Variants in CHCHD6 observed in about 807,000 individuals in gnomAD.
CHCHD6 encodes coiled-coil-helix-coiled-coil-helix domain containing 6, also known as MICOS complex subunit MIC25.
A neutral mutation model predicts 32.3 loss-of-function variants in CHCHD6; 28 were observed. That is an observed-to-expected ratio of 0.87 (90% confidence interval 0.64 to 1.19). The LOEUF (loss-of-function observed/expected upper bound fraction) is 1.19, where lower values mean the gene tolerates loss of function less well. Ranked by LOEUF, CHCHD6 falls within the 50% of genes most tolerant of loss-of-function variation. The pLI is 0.00. For missense variants in CHCHD6, 333 were observed against 307.0 expected, an observed-to-expected ratio of 1.08 and a Z score of -0.63; for synonymous variants, 122 against 117.5, an observed-to-expected ratio of 1.04 and a Z score of -0.25.
At position 126,862,243 on chromosome 3, in the gene CHCHD6, ACCT is replaced by A. The variant is rs1164556382; in HGVS notation, c.495+9528_495+9530del. On this transcript the variant is annotated intron_variant, in intron 5 of 7. Transcript: ENST00000290913. ...CACCTCCTCCTCCTCCTCCATCACCACCTCCTCCTCCTCCTCCATCACCTCCTC... is the reference window on the plus strand; with the variant it reads ...CACCTCCTCCTCCTCCTCCATCACCACCTCCTCCTCCTCCATCACCTCCTC... 9.5e-3 allele frequency among the ~76,000 whole-genome samples: 656 copies of A among 68,894 alleles called. 10 individuals are homozygous for A. Among genetic ancestry groups the A allele is most frequent in the African/African-American group, 0.011 (152 of 14,374 alleles). 45.2% of individuals were successfully genotyped at this position (68,894 alleles called of 152,430 possible).
chr3:126,716,472 T>C (rs1935023141), intron 1 of CHCHD6, among the ~76,000 whole-genome samples: 1 of 151,982 alleles, frequency 6.6e-6, no homozygotes, highest in South Asian at 2.1e-4. Context: ...GCTTGTCTTC[T>C]CTCCCTCTGT....
At chr3:126,850,451 G>A (rs1003398698) in intron 4 of CHCHD6, among the ~76,000 whole-genome samples, 4 of 152,224 alleles carry the variant, frequency 2.6e-5, no homozygotes, top group African/African-American at 7.2e-5. Flanking sequence ...CAACACTTTA[G>A]TCCTGCGTCC....
At chr3:126,811,628 A>G (rs1048350460) in intron 4 of CHCHD6, among the ~76,000 whole-genome samples, 23 of 152,020 alleles carry the variant, frequency 1.5e-4, no homozygotes, top group African/African-American at 5.6e-4. Flanking sequence ...GACCAGCAGC[A>G]AGGTATTTGA....
intron 4 of CHCHD6, among the ~76,000 whole-genome samples, chr3:126,791,409 C>G (rs549061453): frequency 1.3e-5 from 2 of 152,368 alleles, no homozygotes; most frequent in East Asian, 3.9e-4. Flanking sequence ...CGGCTATGCC[C>G]TGCCCCCAGA....
intron 4 of CHCHD6, among the ~76,000 whole-genome samples, chr3:126,833,502 G>A (rs1363959928): frequency 6.6e-6 from 1 of 152,228 alleles, no homozygotes; most frequent in Non-Finnish European, 1.5e-5. Context: ...CACGCGATAT[G>A]TCTTTGATGG....
intron 4 of CHCHD6, among the ~76,000 whole-genome samples, chr3:126,794,359 TTG>T: frequency 6.8e-6 from 1 of 148,096 alleles, no homozygotes; most frequent in East Asian, 2.0e-4. Flanking sequence ...TCTTTGCATT[TTG>T]TGTTTTCCCC....
At chr3:126,910,569 CA>C (rs1467011860) in intron 5 of CHCHD6, among the ~76,000 whole-genome samples, 1 of 152,218 alleles carries the variant, frequency 6.6e-6, no homozygotes, top group Non-Finnish European at 1.5e-5. Flanking sequence ...AAAATGGATA[CA>C]CCCTTTGACC....
intron 4 of CHCHD6, among the ~76,000 whole-genome samples, chr3:126,804,854 GA>G (rs1186765316): frequency 6.6e-6 from 1 of 152,100 alleles, no homozygotes; most frequent in Non-Finnish European, 1.5e-5. Context: ...TATCCACCGT[GA>G]TCAAGTGGGC....
chr3:126,814,698 T>G (rs2107533147), intron 4 of CHCHD6, among the ~76,000 whole-genome samples: 1 of 152,262 alleles, frequency 6.6e-6, no homozygotes, highest in Non-Finnish European at 1.5e-5. Flanking sequence ...GCCCTGTGCT[T>G]TTTTTCATCT....
chr3:126,932,283 AT>A (rs775037594), intron 6 of CHCHD6, among the ~76,000 whole-genome samples: 38 of 152,252 alleles, frequency 2.5e-4, no homozygotes, highest in Admixed American at 4.6e-4. Flanking sequence ...TTGCCTCAGA[AT>A]CATGGAATAG....
intron 5 of CHCHD6, among the ~76,000 whole-genome samples, chr3:126,899,969 A>C (rs1272359294): frequency 6.6e-6 from 1 of 152,212 alleles, no homozygotes; most frequent in East Asian, 1.9e-4. Context: ...TGTTACTTAC[A>C]ACCAGCGTGT....
At chr3:126,714,119 A>C (rs1465075278) in intron 1 of CHCHD6, among the ~76,000 whole-genome samples, 1 of 149,900 alleles carries the variant, frequency 6.7e-6, no homozygotes, top group Non-Finnish European at 1.5e-5. Flanking sequence ...GAGGCTTTAC[A>C]TAAAATTTAT....
chr3:126,824,609 G>A (rs1404866935), intron 4 of CHCHD6, among the ~76,000 whole-genome samples: 1 of 131,810 alleles, frequency 7.6e-6, no homozygotes, highest in Admixed American at 7.7e-5. Context: ...TTTTTGAGAC[G>A]GACCTTCACT....
At chr3:126,795,116 A>G (rs897240958) in intron 4 of CHCHD6, among the ~76,000 whole-genome samples, 1 of 152,098 alleles carries the variant, frequency 6.6e-6, no homozygotes, top group Non-Finnish European at 1.5e-5. Flanking sequence ...TTCTGAGAGC[A>G]TGTCTGGCCT....
At chr3:126,717,884 C>G (rs1205517176) in intron 1 of CHCHD6, among the ~76,000 whole-genome samples, 1 of 152,188 alleles carries the variant, frequency 6.6e-6, no homozygotes, top group Non-Finnish European at 1.5e-5. Context: ...CCCCCTCCAT[C>G]ACGGAGCTTG....
chr3:126,757,482 T>C (rs1937006402), intron 4 of CHCHD6, among the ~76,000 whole-genome samples: 1 of 152,160 alleles, frequency 6.6e-6, no homozygotes, highest in South Asian at 2.1e-4. Flanking sequence ...GCTTTGTTTA[T>C]GGTGTATAGA....
intron 4 of CHCHD6, among the ~76,000 whole-genome samples, chr3:126,814,476 T>A (rs1433095971): frequency 6.6e-6 from 1 of 152,186 alleles, no homozygotes; most frequent in Non-Finnish European, 1.5e-5. Context: ...ATTGGAGGAT[T>A]GGGCCTTTAG....
chr3:126,904,718 G>A (rs943038394), intron 5 of CHCHD6, among the ~76,000 whole-genome samples: 3 of 152,206 alleles, frequency 2.0e-5, no homozygotes, highest in Admixed American at 6.5e-5. Context: ...AACAGAGAGA[G>A]AATGACATAG....
At chr3:126,747,683 T>A (rs1054082299) in intron 4 of CHCHD6, among the ~76,000 whole-genome samples, 1 of 152,192 alleles carries the variant, frequency 6.6e-6, no homozygotes, top group Non-Finnish European at 1.5e-5. Flanking sequence ...TCATGGCCCA[T>A]CAGGTCTCGT....
Sources: allele counts gnomAD v4.1 joint callset (sites outside exome capture counted in the v4.1 genomes callset), GRCh38; gene constraint gnomAD v4.1.1; transcripts MANE v1.5; gene names NCBI Gene and HGNC (gene_info 2026-07-23, HGNC 2026-07-21).